Variants in PTPRD observed in about 807,000 individuals in gnomAD.
The protein encoded by PTPRD is receptor-type tyrosine-protein phosphatase delta.
In PTPRD, 34 loss-of-function variants were observed where a neutral mutation model predicts 214.5. The observed-to-expected ratio is 0.16, with a 90% CI of 0.12 to 0.21. The LOEUF is 0.21. Ranked by LOEUF, PTPRD falls within the 10% of genes least tolerant of loss-of-function variation. The pLI is 1.00. For synonymous variants in PTPRD, 1,128 were observed against 845.7 expected (o/e 1.33, Z -5.79); for missense variants, 2,545 against 2,398.7 (o/e 1.06, Z -1.27).
At chr9:10,059,617 G>C (rs2097720741) in intron 3 of PTPRD, among the ~76,000 whole-genome samples, 2 of 151,940 alleles carry the variant, frequency 1.3e-5, no homozygotes, top group African/African-American at 2.4e-5. Flanking sequence ...TAAAACTCTT[G>C]TCTTTTATTA....
At chr9:10,313,428 A>G (rs376809024) in intron 3 of PTPRD, among the ~76,000 whole-genome samples, 91 of 152,042 alleles carry the variant, frequency 6.0e-4, no homozygotes, top group African/African-American at 2.0e-3. Context: ...AAATTTTTAA[A>G]AAGTCCCTAA....
intron 3 of PTPRD, among the ~76,000 whole-genome samples, chr9:10,083,462 G>A (rs1223465632): frequency 6.6e-6 from 1 of 152,028 alleles, no homozygotes; most frequent in African/African-American, 2.4e-5. Flanking sequence ...TGAATCATTT[G>A]CTTCTCAAAG....
intron 35 of PTPRD, among the ~76,000 whole-genome samples, chr9:8,411,029 G>C (rs981874684): frequency 1.3e-5 from 2 of 152,016 alleles, no homozygotes; most frequent in East Asian, 1.9e-4. Context: ...AAGTATATTA[G>C]AATTATCTTA....
At chr9:9,044,696 G>C (rs947452278) in intron 10 of PTPRD, among the ~76,000 whole-genome samples, 1 of 152,146 alleles carries the variant, frequency 6.6e-6, no homozygotes, top group Non-Finnish European at 1.5e-5. Context: ...CTGGGAACTT[G>C]AGTCATTTTC....
intron 11 of PTPRD, among the ~76,000 whole-genome samples, chr9:8,853,439 G>C (rs1601926867): frequency 6.6e-6 from 1 of 152,094 alleles, no homozygotes; most frequent in East Asian, 1.9e-4. Context: ...AGAGAATTTG[G>C]ACACTTTGTG....
At chr9:10,269,976 A>C (rs1227638329) in intron 3 of PTPRD, among the ~76,000 whole-genome samples, 1 of 152,108 alleles carries the variant, frequency 6.6e-6, no homozygotes, top group Non-Finnish European at 1.5e-5. Flanking sequence ...TACAGAATAA[A>C]ATACTAAATG....
At chr9:10,198,227 C>A (rs752874432) in intron 3 of PTPRD, among the ~76,000 whole-genome samples, 1 of 152,008 alleles carries the variant, frequency 6.6e-6, no homozygotes, top group Non-Finnish European at 1.5e-5. Context: ...GAACTAACAA[C>A]AAGAATGAAT....
intron 2 of PTPRD, among the ~76,000 whole-genome samples, chr9:10,559,637 G>C (rs976732303): frequency 7.2e-5 from 11 of 151,866 alleles, no homozygotes; most frequent in African/African-American, 2.2e-4. Flanking sequence ...CAAAATGGGA[G>C]AAAATTTTCA....
intron 2 of PTPRD, among the ~76,000 whole-genome samples, chr9:10,477,760 G>C (rs963501912): frequency 6.6e-6 from 1 of 152,088 alleles, no homozygotes; most frequent in African/African-American, 2.4e-5. Flanking sequence ...ACTGGATAAA[G>C]ATAATGTGAC....
chr9:9,638,006 C>T (rs995352770), intron 7 of PTPRD, among the ~76,000 whole-genome samples: 1 of 152,132 alleles, frequency 6.6e-6, no homozygotes, highest in African/African-American at 2.4e-5. Context: ...AAGGCCCTGG[C>T]ATTCTGGGCC....
At chr9:9,093,468 A>C (rs561304359) in intron 10 of PTPRD, among the ~76,000 whole-genome samples, 1 of 152,150 alleles carries the variant, frequency 6.6e-6, no homozygotes, top group East Asian at 1.9e-4. Flanking sequence ...AAGAGAATTA[A>C]AATTATGTAA....
In PTPRD at chr9:9,361,017, C is replaced by T. The variant is rs577078685; in HGVS notation, c.-203+36432G>A. On this transcript the variant is annotated intron_variant, in intron 9 of 45. Transcript: ENST00000381196. Reference sequence around the variant, plus strand: ...ACTTGGTTAATATTTGAATACATGGCCAAATATTTTCAGTCCTGAGGTTCT... The same window carrying T: ...ACTTGGTTAATATTTGAATACATGGTCAAATATTTTCAGTCCTGAGGTTCT... Among the ~76,000 whole-genome samples the T allele has an allele frequency of 3.5e-3, 531 of 151,050 alleles. 4 individuals carry two copies. The highest frequency in any genetic ancestry group is 0.013 in the African/African-American group (520 of 41,368).
intron 21 of PTPRD, among the ~76,000 whole-genome samples, chr9:8,507,715 C>A (rs910390820): frequency 2.0e-5 from 3 of 152,068 alleles, no homozygotes; most frequent in Non-Finnish European, 2.9e-5. Flanking sequence ...GGAAAAAATT[C>A]TTTACTTCAT....
Position 9,040,652 on chromosome 9 carries a change from C to T in PTPRD, c.-142-21917G>A, listed in dbSNP as rs2099636877. Among the ~76,000 whole-genome samples, 2 of 152,008 alleles carry T rather than the reference C, an allele frequency of 1.3e-5. 1 individual carries two copies. The highest frequency in any genetic ancestry group is 4.2e-4 in the South Asian group (2 of 4,814). ...TACTTTGAAATCATTGTAGCAAGAA[C>T]ATATTTTAGAATTTCTAAAAGCTGA... On this transcript the variant is annotated intron_variant, in intron 10 of 45. Coordinates refer to ENST00000381196, the MANE Select transcript of PTPRD (RefSeq NM_002839.4).
At chr9:9,501,706 G>C (rs1366158652) in intron 8 of PTPRD, among the ~76,000 whole-genome samples, 1 of 151,806 alleles carries the variant, frequency 6.6e-6, no homozygotes, top group Non-Finnish European at 1.5e-5. Flanking sequence ...AATTTATAAG[G>C]TGTATTTTCT....
intron 2 of PTPRD, among the ~76,000 whole-genome samples, chr9:10,575,861 C>G (rs917698504): frequency 6.6e-6 from 1 of 152,218 alleles, no homozygotes; most frequent in South Asian, 2.1e-4. Context: ...GGAGATGAAT[C>G]CATTTTCTTT....
chr9:9,969,808 A>T (rs2094963971), intron 4 of PTPRD, among the ~76,000 whole-genome samples: 1 of 152,220 alleles, frequency 6.6e-6, no homozygotes, highest in Admixed American at 6.5e-5. Context: ...AAACTTTTAA[A>T]AAATTAACAT....
intron 7 of PTPRD, among the ~76,000 whole-genome samples, chr9:9,734,280 G>T (rs1284648736): frequency 6.6e-6 from 1 of 152,038 alleles, no homozygotes; most frequent in Non-Finnish European, 1.5e-5. Flanking sequence ...AGAAACAAAT[G>T]CTCCCTCTGT....
At chr9:9,659,033 G>A (rs542219881) in intron 7 of PTPRD, among the ~76,000 whole-genome samples, 2 of 152,118 alleles carry the variant, frequency 1.3e-5, no homozygotes, top group Non-Finnish European at 2.9e-5. Flanking sequence ...TAAAAGCCAG[G>A]CAGGACTTTG....
Sources: allele counts gnomAD v4.1 joint callset (sites outside exome capture counted in the v4.1 genomes callset), GRCh38; gene constraint gnomAD v4.1.1; transcripts MANE v1.5; gene names NCBI Gene and HGNC (gene_info 2026-07-23, HGNC 2026-07-21).